Variants in CLASP1 observed in about 807,000 individuals in gnomAD.
The protein encoded by CLASP1 is CLIP-associating protein 1.
In CLASP1, 38 loss-of-function variants were observed where a neutral mutation model predicts 192.3. The ratio of observed to expected loss-of-function variants is 0.20; its 90% CI spans 0.15 to 0.26. The LOEUF is 0.26. Ranked by LOEUF, CLASP1 falls within the 10% of genes least tolerant of loss-of-function variation. The probability of loss-of-function intolerance (pLI) is 1.00; values close to 1 mark genes in which losing one functional copy is unlikely to be tolerated. For synonymous variants in CLASP1, 691 were observed against 712.8 expected (o/e 0.97, Z 0.49); for missense variants, 1,433 against 1,932.5 (o/e 0.74, Z 4.85).
At chr2:121,634,774 G>A (rs774088585) in intron 1 of CLASP1, among the ~76,000 whole-genome samples, 4 of 149,450 alleles carry the variant, frequency 2.7e-5, no homozygotes, top group Non-Finnish European at 1.5e-5. Context: ...CTCATATTGA[G>A]AGCATTTTTT....
At chr2:121,582,148 T>G (rs12711555) in intron 2 of CLASP1, among the ~76,000 whole-genome samples, 146,866 of 151,634 alleles carry the variant, frequency 0.97, 71,154 homozygotes, top group East Asian at 1. Context: ...GGGCGACAGA[T>G]AATCTGTAGA....
chr2:121,462,653 T>C, intron 9 of CLASP1, 48 bp from the exon 10 acceptor site: 1 of 1,067,428 alleles, frequency 9.4e-7, no homozygotes. Flanking sequence ...ACAACGTCTA[T>C]AACACATACA....
intron 8 of CLASP1, among the ~76,000 whole-genome samples, chr2:121,481,288 T>A (rs1200020129): frequency 1.3e-5 from 2 of 152,166 alleles, no homozygotes; most frequent in Non-Finnish European, 2.9e-5. Flanking sequence ...AAAAATGGGC[T>A]TAAAAGGCCA....
intron 2 of CLASP1, among the ~76,000 whole-genome samples, chr2:121,586,834 G>A (rs1432358063): frequency 6.6e-6 from 1 of 152,140 alleles, no homozygotes; most frequent in Non-Finnish European, 1.5e-5. Context: ...ACTGTGAAGC[G>A]CACTGCTTTC....
chr2:121,598,770 T>C (rs1171333205), intron 2 of CLASP1, among the ~76,000 whole-genome samples: 1 of 152,240 alleles, frequency 6.6e-6, no homozygotes, highest in African/African-American at 2.4e-5. Context: ...ATGGTAGCCA[T>C]TAAATTGCCC....
chr2:121,421,256 T>A (rs1193468226), intron 22 of CLASP1, among the ~76,000 whole-genome samples: 1 of 152,210 alleles, frequency 6.6e-6, no homozygotes, highest in African/African-American at 2.4e-5. Flanking sequence ...TATATTTATT[T>A]ATTTAATTTC....
At chr2:121,583,125 T>TG (rs1452141266) in intron 2 of CLASP1, among the ~76,000 whole-genome samples, 1 of 152,162 alleles carries the variant, frequency 6.6e-6, no homozygotes, top group Non-Finnish European at 1.5e-5. Flanking sequence ...ACCAAGCCAG[T>TG]GCCCAGTTAC....
intron 37 of CLASP1, among the ~76,000 whole-genome samples, chr2:121,349,525 G>C (rs936563706): frequency 2.0e-5 from 3 of 152,204 alleles, no homozygotes; most frequent in African/African-American, 7.2e-5. Context: ...TACAACTGGA[G>C]CATCTGCAAA....
chr2:121,512,601 G>A (rs944878094), intron 7 of CLASP1, among the ~76,000 whole-genome samples: 3 of 152,104 alleles, frequency 2.0e-5, no homozygotes, highest in Admixed American at 6.6e-5. Context: ...TATCTGGCTC[G>A]ATAAGATTTT....
intron 2 of CLASP1, among the ~76,000 whole-genome samples, chr2:121,549,875 G>A (rs1268216608): frequency 5.3e-5 from 8 of 151,432 alleles, no homozygotes; most frequent in Non-Finnish European, 1.0e-4. Flanking sequence ...GCGTGGTGGC[G>A]GGTGCCTGTA....
chr2:121,504,894 A>G (rs1222878933), intron 7 of CLASP1: 2 of 152,242 alleles, frequency 1.3e-5, no homozygotes, highest in Admixed American at 6.5e-5. Flanking sequence ...TCCAATTGCC[A>G]CCTCAGGACC....
chr2:121,415,573 G>A (rs2078438708), intron 23 of CLASP1, among the ~76,000 whole-genome samples: 1 of 152,102 alleles, frequency 6.6e-6, no homozygotes, highest in Admixed American at 6.5e-5. Flanking sequence ...ATAAAGACTT[G>A]GTTCAAAACA....
intron 37 of CLASP1, among the ~76,000 whole-genome samples, chr2:121,351,107 C>A (rs2064300002): frequency 6.6e-6 from 1 of 152,168 alleles, no homozygotes; most frequent in African/African-American, 2.4e-5. Context: ...TGAAGGGAAC[C>A]CCACCCCAGC....
intron 37 of CLASP1, among the ~76,000 whole-genome samples, chr2:121,351,873 C>T (rs568102728): frequency 1.3e-5 from 2 of 152,340 alleles, no homozygotes; most frequent in African/African-American, 2.4e-5. Flanking sequence ...AAGTCATGTC[C>T]AACTCTCAAG....
intron 2 of CLASP1, among the ~76,000 whole-genome samples, chr2:121,553,626 G>T (rs1487310625): frequency 1.3e-5 from 2 of 152,086 alleles, no homozygotes; most frequent in African/African-American, 4.8e-5. Flanking sequence ...GCTTGAACCT[G>T]GGAGGCAGAG....
chr2:121,347,104 TA>T lies in CLASP1; in HGVS notation c.4463del (p.Leu1488Ter). 1.3e-6 allele frequency: 2 copies of T among 1,588,418 alleles called. No homozygotes were observed. The highest frequency in any genetic ancestry group is 1.7e-6 in the Non-Finnish European group (2 of 1,166,608). ...CTCCGATTACGGAATAAATTGCCACTAAGCAAAACACGCTGGCCTTACGCAC... is the reference window on the plus strand; with the variant it reads ...CTCCGATTACGGAATAAATTGCCACTAGCAAAACACGCTGGCCTTACGCAC... On this transcript the variant is annotated frameshift_variant, in exon 39 of 40. Coordinates refer to ENST00000263710, the Ensembl canonical transcript of CLASP1. LOFTEE classifies it high-confidence loss of function.
At chr2:121,492,142 C>T (rs938598657) in intron 8 of CLASP1, among the ~76,000 whole-genome samples, 2 of 152,118 alleles carry the variant, frequency 1.3e-5, no homozygotes, top group African/African-American at 4.8e-5. Context: ...GTAATCCCAG[C>T]ACTTTGGGAG....
Position 121,495,389 on chromosome 2 carries a change from G to A in CLASP1, c.712+7778C>T, listed in dbSNP as rs143702420. Among the ~76,000 whole-genome samples, 328 of 152,008 alleles carry A rather than the reference G, an allele frequency of 2.2e-3. 1 individual carries two copies. The highest frequency in any genetic ancestry group is 7.5e-3 in the African/African-American group (311 of 41,402). On this transcript the variant is annotated intron_variant, in intron 8 of 39. Transcript: ENST00000263710. ...TTTAAAGAATACAATGGCTGGGCGCGGTGGCTCACGCCTGTAATACCAGCG... is the reference window on the plus strand; with the variant it reads ...TTTAAAGAATACAATGGCTGGGCGCAGTGGCTCACGCCTGTAATACCAGCG...
Position 121,548,004 on chromosome 2 carries a change from G to A in CLASP1, c.196-17679C>T, listed in dbSNP as rs146684012. Among the ~76,000 whole-genome samples the A allele has an allele frequency of 6.6e-3, 1,001 of 152,296 alleles. 15 individuals carry two copies. Among genetic ancestry groups the A allele is most frequent in the African/African-American group, 0.023 (957 of 41,554 alleles). On this transcript the variant is annotated intron_variant, in intron 2 of 39. Transcript: ENST00000263710. ...GCAAAAAACCAATGCAAGAACTCCA[G>A]TAACTGTCATATGTCTCCCAACAAC... is the stretch of plus-strand genomic sequence containing the variant.
Sources: allele counts gnomAD v4.1 joint callset (sites outside exome capture counted in the v4.1 genomes callset), GRCh38; gene constraint gnomAD v4.1.1; transcripts MANE v1.5; gene names NCBI Gene and HGNC (gene_info 2026-07-23, HGNC 2026-07-21).